ANAPC1: variants seen among roughly 807,000 people sequenced by gnomAD.
ANAPC1 encodes anaphase-promoting complex subunit 1.
In ANAPC1, 36 loss-of-function variants were observed where a neutral mutation model predicts 208.0. The ratio of observed to expected loss-of-function variants is 0.17; its 90% CI spans 0.13 to 0.23. The LOEUF (loss-of-function observed/expected upper bound fraction) is 0.23, where lower values mean the gene tolerates loss of function less well. Among genes scored for constraint, ANAPC1 ranks in the 10% least tolerant of loss-of-function variants. The pLI, the probability that ANAPC1 is intolerant of heterozygous loss-of-function variation, is 1.00. For synonymous variants in ANAPC1, 378 were observed against 695.2 expected, an observed-to-expected ratio of 0.54 and a Z score of 7.18; for missense variants, 942 against 2,011.6, an observed-to-expected ratio of 0.47 and a Z score of 10.17.
chr2:111,851,413 G>A (rs1573461917), intron 13 of ANAPC1, among the ~76,000 whole-genome samples: 1 of 96,770 alleles, frequency 1.0e-5, no homozygotes, highest in Non-Finnish European at 2.6e-5. Flanking sequence ...CATTACTGAA[G>A]ACTTTTTTTT....
chr2:111,824,900 G>A lies in ANAPC1; in HGVS notation c.2812+66C>T, dbSNP rs576850615. ...AAAGCCAGAGCCCCTCTCTCCTCAT[G>A]CCTTCCACTTCTAGCTAGTCTGGAG... is the stretch of plus-strand genomic sequence containing the variant. On this transcript the variant is annotated intron_variant, in intron 24 of 47. Transcript: ENST00000341068. 9.1e-5 allele frequency: 143 copies of A among 1,568,536 alleles called. No homozygotes were observed. In the South Asian group the frequency reaches 1.4e-3, roughly 16 times the overall value.
At chr2:111,833,362 A>G (rs772946683) in intron 19 of ANAPC1, 51 bp from the exon 20 acceptor site, 1 of 1,515,302 alleles carries the variant, frequency 6.6e-7, no homozygotes, top group Non-Finnish European at 9.0e-7. Context: ...ACTTTCTCCC[A>G]ACAGAATTGG....
At position 111,834,834 on chromosome 2, in the gene ANAPC1, A is replaced by T. The variant is rs1209280966; in HGVS notation, c.2154T>A (p.Asn718Lys). 1 of 1,606,318 alleles carries T rather than the reference A, an allele frequency of 6.2e-7. No homozygotes were observed. The highest frequency in any genetic ancestry group is 8.5e-7 in the Non-Finnish European group (1 of 1,177,282). ...EYLLNSDYHQ[N>K]VESHLLNRSL... ...ATCTGTTCAAAAGATGAGACTCAAC[A>T]TTCTGGTGGTAGTCTGAATTTAGTA... Residue 718 changes from asparagine (N) to lysine (K), a missense_variant, in exon 19 of 48, where the codon AAT becomes AAA. By Grantham distance (94) the Asn-to-Lys change is moderately conservative (BLOSUM62 0). Coordinates refer to ENST00000341068, the MANE Select transcript of ANAPC1 (RefSeq NM_022662.4).
intron 47 of ANAPC1, among the ~76,000 whole-genome samples, chr2:111,770,910 T>G (rs1317065947): frequency 1.3e-4 from 20 of 151,890 alleles, no homozygotes; most frequent in Admixed American, 1.3e-3. Flanking sequence ...TTATCTGTTT[T>G]TTTATTATTA....
rs772866144 is a variant in ANAPC1 at position 111,821,207 on chromosome 2, T to A, written c.3206+32A>T. ...AAGACACAAATGTAACAATGAAACA[T>A]GACAAGAGATAGTGCACGTGTTTTC... On this transcript the variant is annotated intron_variant, in intron 26 of 47. Transcript: ENST00000341068. 4 of 1,592,706 alleles carry A rather than the reference T, an allele frequency of 2.5e-6. No homozygotes were observed. In the South Asian group the frequency reaches 4.4e-5, roughly 18 times the overall value.
rs186857819 is a variant in ANAPC1 at position 111,825,207 on chromosome 2, C to A, written c.2705-40G>T. Reference sequence around the variant, plus strand: ...AATGAAACTTAATTTTGATAGTCATCCTGGTAAAGAAAACATGTAACATGT... The same window carrying A: ...AATGAAACTTAATTTTGATAGTCATACTGGTAAAGAAAACATGTAACATGT... On this transcript the variant is annotated intron_variant, in intron 22 of 47. Coordinates refer to ENST00000341068, the MANE Select transcript of ANAPC1 (RefSeq NM_022662.4). 129 of 1,607,276 alleles carry A rather than the reference C, an allele frequency of 8.0e-5. No homozygotes were observed. The East Asian group carries it at 1.0e-3, about 13-fold the overall frequency.
chr2:111,836,221 T>C (rs192256004), intron 18 of ANAPC1, among the ~76,000 whole-genome samples: 72 of 151,832 alleles, frequency 4.7e-4, no homozygotes, highest in African/African-American at 1.7e-3. Flanking sequence ...TCTCAAACTC[T>C]TGGGCTGAAG....
At chr2:111,834,899 T>A (rs1680382258) in intron 18 of ANAPC1, 27 bp from the exon 19 acceptor site, 1 of 1,413,174 alleles carries the variant, frequency 7.1e-7, no homozygotes, top group Admixed American at 2.9e-5. Flanking sequence ...GAATATTAAT[T>A]TTTAAAAATA....
intron 6 of ANAPC1, among the ~76,000 whole-genome samples, chr2:111,868,483 G>C (rs1251756918): frequency 2.6e-5 from 4 of 152,108 alleles, no homozygotes; most frequent in Non-Finnish European, 5.9e-5. Context: ...GCTGACAAAG[G>C]AATGCATTTT....
intron 46 of ANAPC1, among the ~76,000 whole-genome samples, chr2:111,775,178 C>T (rs932605282): frequency 6.6e-6 from 1 of 152,156 alleles, no homozygotes; most frequent in African/African-American, 2.4e-5. Flanking sequence ...AGGCAGGACA[C>T]TCGCTTGAAC....
intron 38 of ANAPC1, among the ~76,000 whole-genome samples, chr2:111,788,999 G>A (rs1317412442): frequency 3.3e-5 from 5 of 152,384 alleles, no homozygotes; most frequent in South Asian, 2.1e-4. Flanking sequence ...TTAGCCGGGC[G>A]CCGTGGCGGG....
At chr2:111,813,913 C>G (rs1474233833) in intron 28 of ANAPC1, among the ~76,000 whole-genome samples, 1 of 151,956 alleles carries the variant, frequency 6.6e-6, no homozygotes, top group Admixed American at 6.6e-5. Flanking sequence ...ACCCAGCTAA[C>G]CTGGATGGTG....
rs368590852 is a variant in ANAPC1 at position 111,834,701 on chromosome 2, A to T, written c.2287T>A (p.Phe763Ile). 2.4e-5 allele frequency: 38 copies of T among 1,613,556 alleles called. No individual in the cohort carries two copies. The East Asian group carries it at 7.1e-4, about 30-fold the overall frequency. Residue 763 changes from phenylalanine (F) to isoleucine (I), a missense_variant, in exon 19 of 48, where the codon TTT (phenylalanine) becomes ATT (isoleucine). Phe to Ile is a conservative substitution (Grantham distance 21). Coordinates refer to ENST00000341068, the MANE Select transcript of ANAPC1 (RefSeq NM_022662.4). Reference sequence around the variant, plus strand: ...TCATACACAAGGTGAAGAACGAAAAAAATTGCAGGTATGTGAGTAAAGAGA... The same window carrying T: ...TCATACACAAGGTGAAGAACGAAAATAATTGCAGGTATGTGAGTAAAGAGA... ...TLLFTHIPAI[F>I]FVLHLVYEEL... is the part of the protein sequence containing the mutation.
intron 11 of ANAPC1, among the ~76,000 whole-genome samples, chr2:111,857,743 T>C (rs1022003313): frequency 6.6e-6 from 1 of 152,226 alleles, no homozygotes; most frequent in Non-Finnish European, 1.5e-5. Context: ...AAGACCTTTG[T>C]TCAAATGTTC....
chr2:111,838,317 A>T, intron 18 of ANAPC1, 121 bp downstream of exon 18: 1 of 706,566 alleles, frequency 1.4e-6, no homozygotes, highest in Non-Finnish European at 2.2e-6. Context: ...ATTCAGTATT[A>T]AAATAAATAA....
chr2:111,772,709 A>G (rs1558654518), intron 46 of ANAPC1, among the ~76,000 whole-genome samples: 1 of 152,120 alleles, frequency 6.6e-6, no homozygotes, highest in African/African-American at 2.4e-5. Flanking sequence ...AAACAAATGC[A>G]TAATTACAAA....
In ANAPC1 at chr2:111,860,274, A is replaced by C. The variant is rs1573482977; in HGVS notation, c.1263-1873T>G. 3.3e-5 allele frequency among the ~76,000 whole-genome samples: 5 copies of C among 151,772 alleles called. No individual in the cohort carries two copies. The South Asian group carries it at 1.0e-3, about 32-fold the overall frequency. ...TGATTGAGTCACTCACTGTACTCCA[A>C]CCTGGGTGACAGAGTGAGACCCTGT... On this transcript the variant is annotated intron_variant, in intron 10 of 47. Transcript: ENST00000341068.
chr2:111,880,238 G>A (rs1573529423), intron 2 of ANAPC1, among the ~76,000 whole-genome samples: 1 of 151,916 alleles, frequency 6.6e-6, no homozygotes, highest in Middle Eastern at 3.4e-3. Context: ...TAGGGGTGGT[G>A]GTGCATGCCT....
At chr2:111,831,571 G>A in intron 20 of ANAPC1, 137 bp from the exon 21 acceptor site, 1 of 796,554 alleles carries the variant, frequency 1.3e-6, no homozygotes, top group Non-Finnish European at 2.0e-6. Flanking sequence ...TGGGTGCAGT[G>A]GCTCACGCCT....
Sources: gnomAD v4.1 joint callset for allele counts (sites outside exome capture counted in the v4.1 genomes callset) on GRCh38, gnomAD v4.1.1 for gene constraint, MANE v1.5 for transcripts, NCBI Gene and HGNC (gene_info 2026-07-23, HGNC 2026-07-21) for gene names.